The following MEMO1 variants were observed in gnomAD, a reference collection of about 807,000 sequenced individuals.
MEMO1 encodes protein MEMO1.
A neutral mutation model predicts 45.2 loss-of-function variants in MEMO1; 6 were observed. The ratio of observed to expected loss-of-function variants is 0.13; its 90% CI spans 0.07 to 0.26. The LOEUF (loss-of-function observed/expected upper bound fraction) is 0.26. MEMO1 is among the 10% of genes least tolerant of loss of function. The pLI is 1.00. For missense variants in MEMO1, 184 were observed against 370.5 expected (o/e 0.50, Z 4.13); for synonymous variants, 78 against 124.3 (o/e 0.63, Z 2.48).
At chr2:31,968,065 T>C (rs1251783682) in intron 2 of MEMO1, among the ~76,000 whole-genome samples, 1 of 152,074 alleles carries the variant, frequency 6.6e-6, no homozygotes, top group Non-Finnish European at 1.5e-5. Context: ...CAACCAAAAG[T>C]CAGGAGTCCT....
At chr2:31,875,862 T>C (rs945503050) in intron 8 of MEMO1, among the ~76,000 whole-genome samples, 57 of 152,002 alleles carry the variant, frequency 3.7e-4, no homozygotes, top group Non-Finnish European at 4.7e-4. Flanking sequence ...AATTTTTGTA[T>C]TTTTAGGAGA....
intron 2 of MEMO1, among the ~76,000 whole-genome samples, chr2:31,966,732 C>CAAA (rs758359349): frequency 1.3e-4 from 15 of 117,842 alleles, no homozygotes; most frequent in African/African-American, 3.7e-4. Flanking sequence ...GACTCTGTCT[C>CAAA]AAAAAAAAAA....
intron 2 of MEMO1, among the ~76,000 whole-genome samples, chr2:31,989,364 A>G (rs565090631): frequency 6.6e-6 from 1 of 152,366 alleles, no homozygotes; most frequent in Admixed American, 6.5e-5. Flanking sequence ...GGGCTTAACA[A>G]CTTCCCAAGT....
At chr2:31,986,719 G>A (rs951452103) in intron 2 of MEMO1, among the ~76,000 whole-genome samples, 1 of 152,118 alleles carries the variant, frequency 6.6e-6, no homozygotes, top group Admixed American at 6.6e-5. Flanking sequence ...CAGACAGTAA[G>A]TAACAACTTA....
chr2:31,930,368 C>A (rs535145083), intron 4 of MEMO1, among the ~76,000 whole-genome samples: 2 of 152,260 alleles, frequency 1.3e-5, no homozygotes, highest in South Asian at 2.1e-4. Context: ...TAGTCCTTGG[C>A]GCTCTTCCAT....
chr2:31,894,587 T>C (rs1159033988), intron 6 of MEMO1, among the ~76,000 whole-genome samples: 1 of 152,022 alleles, frequency 6.6e-6, no homozygotes, highest in Non-Finnish European at 1.5e-5. Context: ...GCTGCACGCA[T>C]GTACAGGGGA....
At chr2:31,970,235 G>A (rs1171942395) in intron 2 of MEMO1, among the ~76,000 whole-genome samples, 5 of 152,168 alleles carry the variant, frequency 3.3e-5, no homozygotes, top group Non-Finnish European at 5.9e-5. Context: ...CTCCCAAAGT[G>A]CTGAGATTAC....
intron 2 of MEMO1, among the ~76,000 whole-genome samples, chr2:31,945,331 T>G (rs1362302321): frequency 6.6e-6 from 1 of 152,236 alleles, no homozygotes; most frequent in Non-Finnish European, 1.5e-5. Context: ...TAATACATAA[T>G]GCTACAAGTA....
intron 9 of MEMO1, 96 bp from the exon 10 acceptor site, chr2:31,868,588 G>C: frequency 8.6e-7 from 1 of 1,156,388 alleles, no homozygotes; most frequent in African/African-American, 1.6e-5. Context: ...CACAGCTGAA[G>C]CCTAGATTAT....
intron 7 of MEMO1, among the ~76,000 whole-genome samples, chr2:31,891,072 A>ATTGCC: frequency 6.6e-6 from 1 of 152,190 alleles, no homozygotes. Flanking sequence ...ATCAGTGGGT[A>ATTGCC]AGACACATAA....
chr2:31,924,597 C>T (rs935262245), intron 4 of MEMO1, among the ~76,000 whole-genome samples: 1 of 152,110 alleles, frequency 6.6e-6, no homozygotes, highest in Non-Finnish European at 1.5e-5. Context: ...GTATAAGCTG[C>T]CTGAGTGTGT....
intron 2 of MEMO1, among the ~76,000 whole-genome samples, chr2:31,998,207 G>A (rs761456609): frequency 7.2e-5 from 11 of 152,010 alleles, no homozygotes; most frequent in Non-Finnish European, 1.5e-4. Context: ...TTGTAGAGAC[G>A]GGGGTCTCAC....
intron 6 of MEMO1, among the ~76,000 whole-genome samples, chr2:31,915,516 G>A (rs1240946754): frequency 6.6e-6 from 1 of 151,806 alleles, no homozygotes; most frequent in African/African-American, 2.4e-5. Context: ...GACATAATAG[G>A]CCTAGAAACT....
At chr2:31,987,956 A>G (rs947811518) in intron 2 of MEMO1, among the ~76,000 whole-genome samples, 6 of 152,166 alleles carry the variant, frequency 3.9e-5, no homozygotes, top group African/African-American at 1.4e-4. Context: ...GATTCTTGAG[A>G]ATCATGCCAA....
rs1443288022 is a variant in MEMO1 at position 31,949,592 on chromosome 2, T to C, written c.62-6209A>G. ...TAGTAGAAGGATGGTTACCAGAGGC[T>C]GGGAAGAGTATTGGAGGGTTGGATA... On this transcript the variant is annotated intron_variant, in intron 2 of 9. Coordinates refer to ENST00000404530, the MANE Select transcript of MEMO1 (RefSeq NM_001301833.4). Among the ~76,000 whole-genome samples the C allele has an allele frequency of 3.3e-5, 4 of 120,356 alleles. No homozygotes were observed. In the East Asian group the frequency reaches 1.1e-3, roughly 32 times the overall value. The allele number at this position is 120,356 out of a possible 152,430, so 79.0% of individuals were successfully genotyped here.
At chr2:31,937,175 T>G (rs530443712) in intron 3 of MEMO1, among the ~76,000 whole-genome samples, 1 of 152,326 alleles carries the variant, frequency 6.6e-6, no homozygotes, top group Non-Finnish European at 1.5e-5. Flanking sequence ...CCCTCAAGAT[T>G]CCTGTTTTGA....
At chr2:31,895,969 G>A (rs546704656) in intron 6 of MEMO1, among the ~76,000 whole-genome samples, 12 of 144,866 alleles carry the variant, frequency 8.3e-5, no homozygotes, top group East Asian at 4.2e-4. Flanking sequence ...TCAGCCTCCC[G>A]AGTAGCTGGG....
At chr2:31,945,319 A>G (rs549940121) in intron 2 of MEMO1, among the ~76,000 whole-genome samples, 9 of 152,318 alleles carry the variant, frequency 5.9e-5, no homozygotes, top group African/African-American at 1.9e-4. Flanking sequence ...ATGTTTCACT[A>G]TTAATACATA....
intron 1 of MEMO1, 127 bp from the exon 2 acceptor site, chr2:32,010,391 GGAGGAGGAGGAA>G (rs1293348581): frequency 4.0e-5 from 16 of 396,440 alleles, no homozygotes; most frequent in Non-Finnish European, 7.0e-5. Context: ...GCCCGGCCCA[GGAGGAGGAGGAA>G]GAGGAGGAGG....
Sources: allele counts gnomAD v4.1 joint callset (sites outside exome capture counted in the v4.1 genomes callset), GRCh38; gene constraint gnomAD v4.1.1; transcripts MANE v1.5; gene names NCBI Gene and HGNC (gene_info 2026-07-23, HGNC 2026-07-21).